Variants in CMSS1 observed in about 807,000 individuals in gnomAD.
CMSS1 encodes the protein protein CMSS1.
CMSS1 carries 33 observed loss-of-function variants against 43.5 expected under a neutral mutation model. The ratio of observed to expected loss-of-function variants is 0.76; its 90% CI spans 0.57 to 1.01. The LOEUF (loss-of-function observed/expected upper bound fraction) is 1.01, where lower values mean the gene tolerates loss of function less well. Ranked by LOEUF, CMSS1 falls within the 50% of genes least tolerant of loss-of-function variation. The probability of loss-of-function intolerance (pLI) is 0.00; values close to 1 mark genes in which losing one functional copy is unlikely to be tolerated. For missense variants in CMSS1, 313 were observed against 326.4 expected (o/e 0.96, Z 0.32); for synonymous variants, 115 against 117.2 (o/e 0.98, Z 0.12).
Position 99,895,620 on chromosome 3 carries a change from A to C in CMSS1, c.64+77577A>C, listed in dbSNP as rs533371214. On this transcript the variant is annotated intron_variant, in intron 1 of 9. Transcript: ENST00000421999. ...TTAACCTATAGATTGGTTTTCGTAT[A>C]CCAAAAGGGGATAATCAGTGCAGAT... 2.6e-5 allele frequency among the ~76,000 whole-genome samples: 4 copies of C among 152,300 alleles called. No individual in the cohort carries two copies. The South Asian group carries it at 8.3e-4, about 32-fold the overall frequency.
intron 1 of CMSS1, chr3:100,051,177 ATTC>A (rs1364850778): frequency 2.0e-5 from 3 of 152,120 alleles, no homozygotes; most frequent in Middle Eastern, 3.2e-3. Flanking sequence ...ATGGATCACA[ATTC>A]TTCTCTGTGA....
intron 1 of CMSS1, among the ~76,000 whole-genome samples, chr3:99,878,822 C>G (rs1705626242): frequency 6.6e-6 from 1 of 152,240 alleles, no homozygotes. Flanking sequence ...CAGCTGTTGG[C>G]ATTGTGCGCC....
chr3:99,938,636 A>T (rs1707764416), intron 1 of CMSS1, among the ~76,000 whole-genome samples: 1 of 152,178 alleles, frequency 6.6e-6, no homozygotes, highest in Non-Finnish European at 1.5e-5. Flanking sequence ...ATGGAAAGAG[A>T]TGTATTAAGA....
At chr3:100,025,752 A>G (rs1033457746) in intron 1 of CMSS1, among the ~76,000 whole-genome samples, 1 of 152,144 alleles carries the variant, frequency 6.6e-6, no homozygotes, top group South Asian at 2.1e-4. Flanking sequence ...CTAAATAATC[A>G]TCTAGAATAG....
intron 1 of CMSS1, among the ~76,000 whole-genome samples, chr3:100,135,450 G>GCA (rs2066745086): frequency 7.2e-6 from 1 of 138,124 alleles, no homozygotes; most frequent in Non-Finnish European, 1.6e-5. Flanking sequence ...GTGTGTGTGT[G>GCA]TGTGTGTGTG....
intron 1 of CMSS1, among the ~76,000 whole-genome samples, chr3:99,860,312 C>A (rs890552506): frequency 6.6e-6 from 1 of 152,074 alleles, no homozygotes; most frequent in Admixed American, 6.6e-5. Flanking sequence ...ACTAGGCCCC[C>A]CAGAGGTCAG....
At chr3:100,104,632 A>G (rs758785186) in intron 1 of CMSS1, among the ~76,000 whole-genome samples, 3 of 152,180 alleles carry the variant, frequency 2.0e-5, no homozygotes, top group African/African-American at 7.2e-5. Flanking sequence ...CCAGGAATCT[A>G]AAAGTTAAGC....
At chr3:99,949,268 C>T (rs192556905) in intron 1 of CMSS1, among the ~76,000 whole-genome samples, 1 of 152,202 alleles carries the variant, frequency 6.6e-6, no homozygotes, top group Admixed American at 6.5e-5. Context: ...GGCTGGTTTC[C>T]TCAATTTTTA....
chr3:100,090,369 G>A (rs1221758264), intron 1 of CMSS1, among the ~76,000 whole-genome samples: 1 of 152,190 alleles, frequency 6.6e-6, no homozygotes, highest in Non-Finnish European at 1.5e-5. Flanking sequence ...TGCAAGCATG[G>A]GATTCAATCA....
intron 1 of CMSS1, among the ~76,000 whole-genome samples, chr3:100,061,883 A>G (rs2065572444): frequency 6.6e-6 from 1 of 152,138 alleles, no homozygotes; most frequent in South Asian, 2.1e-4. Context: ...GTGGTAAAAT[A>G]TATATAATAC....
chr3:99,984,479 A>G (rs1223996168), intron 1 of CMSS1, among the ~76,000 whole-genome samples: 1 of 152,208 alleles, frequency 6.6e-6, no homozygotes, highest in African/African-American at 2.4e-5. Context: ...GTGAAATTCT[A>G]TCATTTGCAT....
intron 1 of CMSS1, among the ~76,000 whole-genome samples, chr3:100,024,150 G>T (rs911770698): frequency 1.3e-5 from 2 of 152,042 alleles, no homozygotes; most frequent in African/African-American, 4.8e-5. Flanking sequence ...TGTCATGGTC[G>T]CCTATTTCAT....
intron 2 of CMSS1, among the ~76,000 whole-genome samples, chr3:100,155,707 G>T (rs998784339): frequency 6.6e-6 from 1 of 152,134 alleles, no homozygotes; most frequent in East Asian, 1.9e-4. Context: ...TAAATTTTTT[G>T]AGACTTCATA....
At chr3:100,067,013 C>A (rs1249318110) in intron 1 of CMSS1, among the ~76,000 whole-genome samples, 5 of 152,220 alleles carry the variant, frequency 3.3e-5, no homozygotes, top group East Asian at 1.9e-4. Flanking sequence ...GAGTGAGATT[C>A]CTCAGTCAAG....
intron 1 of CMSS1, among the ~76,000 whole-genome samples, chr3:99,866,527 G>C (rs1345305102): frequency 6.6e-6 from 1 of 152,164 alleles, no homozygotes; most frequent in Non-Finnish European, 1.5e-5. Context: ...TTGATCCTTA[G>C]AGGACTTTTT....
chr3:100,114,993 A>T, intron 1 of CMSS1: 1 of 1,520,374 alleles, frequency 6.6e-7, no homozygotes, highest in Non-Finnish European at 8.8e-7. Flanking sequence ...ATCGGAATGC[A>T]TGGTGGTATG....
chr3:99,995,373 A>G (rs1305754157), intron 1 of CMSS1, among the ~76,000 whole-genome samples: 1 of 152,202 alleles, frequency 6.6e-6, no homozygotes, highest in African/African-American at 2.4e-5. Context: ...GGTCTTAGGC[A>G]GCTCAGCCCC....
At chr3:100,139,059 G>A (rs1307799818) in intron 1 of CMSS1, among the ~76,000 whole-genome samples, 2 of 152,148 alleles carry the variant, frequency 1.3e-5, no homozygotes, top group East Asian at 3.9e-4. Flanking sequence ...GATGAAGCTG[G>A]AAGCCATCAT....
At chr3:99,968,819 C>A (rs1174476328) in intron 1 of CMSS1, among the ~76,000 whole-genome samples, 1 of 152,082 alleles carries the variant, frequency 6.6e-6, no homozygotes, top group Admixed American at 6.5e-5. Context: ...GTGGCCAGGG[C>A]AGAATGACAT....
Sources: gnomAD v4.1 joint callset for allele counts (sites outside exome capture counted in the v4.1 genomes callset) on GRCh38, gnomAD v4.1.1 for gene constraint, MANE v1.5 for transcripts, NCBI Gene and HGNC (gene_info 2026-07-23, HGNC 2026-07-21) for gene names.